RAD54B: variants seen among roughly 807,000 people sequenced by gnomAD.
RAD54B encodes DNA repair and recombination protein RAD54B.
Under a neutral mutation model 95.8 loss-of-function variants are expected in RAD54B, and 78 were observed. The ratio of observed to expected loss-of-function variants is 0.81; its 90% CI spans 0.68 to 0.98. The LOEUF (loss-of-function observed/expected upper bound fraction) is 0.98. RAD54B is among the 50% of genes least tolerant of loss of function. The pLI is 0.00. For missense variants in RAD54B, 957 were observed against 1,056.6 expected, an observed-to-expected ratio of 0.91 and a Z score of 1.31; for synonymous variants, 328 against 354.9, an observed-to-expected ratio of 0.92 and a Z score of 0.85.
rs754347616 is a variant in RAD54B at position 94,372,316 on chromosome 8, G to A, written c.2587C>T (p.Leu863=). 6.2e-7 allele frequency: 1 copy of A among 1,613,844 alleles called. No individual in the cohort carries two copies. Among genetic ancestry groups the A allele is most frequent in the Admixed American group, 1.7e-5 (1 of 60,010 alleles). Residue 863 remains leucine (L), a synonymous_variant, in exon 15 of 15, where the codon CTG becomes TTG. Transcript: ENST00000336148. ...LGPHHQKSNS[L]KPLSMSQLKQ... is the part of the protein sequence containing the mutation. Reference sequence around the variant, plus strand: ...AGCTGGGACATAGAAAGAGGTTTCAGGGAGTTAGATTTCTGGTGATGTGGA... The same window carrying A: ...AGCTGGGACATAGAAAGAGGTTTCAAGGAGTTAGATTTCTGGTGATGTGGA...
intron 3 of RAD54B, among the ~76,000 whole-genome samples, chr8:94,421,889 CCA>C (rs1340361912): frequency 6.6e-6 from 1 of 152,184 alleles, no homozygotes; most frequent in Admixed American, 6.5e-5. Context: ...AAACCGTTTT[CCA>C]CATTTATTAT....
chr8:94,419,056 G>T (rs940745848), intron 3 of RAD54B, among the ~76,000 whole-genome samples: 1 of 143,328 alleles, frequency 7.0e-6, no homozygotes, highest in African/African-American at 2.5e-5. Flanking sequence ...GAGAAAAAAA[G>T]AAAAGATTCT....
At chr8:94,398,631 G>A (rs936545834) in intron 8 of RAD54B, among the ~76,000 whole-genome samples, 1 of 152,040 alleles carries the variant, frequency 6.6e-6, no homozygotes, top group African/African-American at 2.4e-5. Context: ...GAAGCCCCAA[G>A]TAGAAAATAG....
At chr8:94,448,118 G>A (rs970924642) in intron 3 of RAD54B, among the ~76,000 whole-genome samples, 5 of 152,066 alleles carry the variant, frequency 3.3e-5, no homozygotes, top group African/African-American at 7.3e-5. Flanking sequence ...GTTTTTAAAT[G>A]AGGATTCAAA....
intron 8 of RAD54B, among the ~76,000 whole-genome samples, chr8:94,396,430 T>A (rs1481025221): frequency 2.6e-5 from 4 of 151,948 alleles, no homozygotes; most frequent in African/African-American, 7.2e-5. Flanking sequence ...TTTGTTTTTT[T>A]AAAAAAGAAA....
intron 3 of RAD54B, chr8:94,431,652 C>T (rs938866069): frequency 3.9e-5 from 38 of 962,156 alleles, no homozygotes; most frequent in Non-Finnish European, 4.5e-5. Context: ...AAATATCTTC[C>T]ATCTCTAAAA....
chr8:94,434,374 A>T (rs1467450382), intron 3 of RAD54B, among the ~76,000 whole-genome samples: 1 of 151,898 alleles, frequency 6.6e-6, no homozygotes, highest in African/African-American at 2.4e-5. Context: ...AGCAGGTCAC[A>T]AAAATGACAG....
At chr8:94,472,053 A>G (rs966207552) in intron 1 of RAD54B, among the ~76,000 whole-genome samples, 6 of 152,162 alleles carry the variant, frequency 3.9e-5, no homozygotes, top group African/African-American at 1.4e-4. Context: ...AATATTTTAT[A>G]TATAACCAGC....
intron 3 of RAD54B, among the ~76,000 whole-genome samples, chr8:94,415,164 C>G (rs1395071903): frequency 6.6e-6 from 1 of 151,994 alleles, no homozygotes; most frequent in African/African-American, 2.4e-5. Flanking sequence ...GGTACCAAAA[C>G]AGAGATATAG....
chr8:94,423,105 C>T (rs1811863016), intron 3 of RAD54B, among the ~76,000 whole-genome samples: 2 of 152,098 alleles, frequency 1.3e-5, no homozygotes, highest in South Asian at 4.2e-4. Flanking sequence ...TGTTACCGGC[C>T]GGGCACGGTG....
chr8:94,421,505 C>T (rs1811806282), intron 3 of RAD54B, among the ~76,000 whole-genome samples: 1 of 152,162 alleles, frequency 6.6e-6, no homozygotes, highest in Non-Finnish European at 1.5e-5. Context: ...TTTTCTCTAG[C>T]CCAGATTACA....
chr8:94,399,300 T>G, intron 8 of RAD54B, 114 bp downstream of exon 8: 2 of 766,138 alleles, frequency 2.6e-6, no homozygotes, highest in South Asian at 3.6e-5. Context: ...ACAGGTTTAT[T>G]AGTATAAATT....
intron 3 of RAD54B, among the ~76,000 whole-genome samples, chr8:94,422,752 TTATATATA>T (rs369490267): frequency 4.8e-5 from 6 of 125,428 alleles, no homozygotes; most frequent in East Asian, 2.3e-4. Context: ...CCACAAAAAA[TTATATATA>T]TATATATATA....
At chr8:94,395,391 G>A (rs906017830) in intron 8 of RAD54B, among the ~76,000 whole-genome samples, 2 of 152,136 alleles carry the variant, frequency 1.3e-5, no homozygotes, top group African/African-American at 4.8e-5. Flanking sequence ...GAGCTCTAGA[G>A]CATAAACTGC....
intron 3 of RAD54B, among the ~76,000 whole-genome samples, chr8:94,440,827 G>T (rs1387654713): frequency 6.6e-6 from 1 of 152,048 alleles, no homozygotes; most frequent in East Asian, 1.9e-4. Context: ...AAACCCCATG[G>T]CCCCACCTGA....
chr8:94,458,116 AT>A lies in RAD54B; in HGVS notation c.304+151del, dbSNP rs1220056590. 9.3e-6 allele frequency: 6 copies of A among 641,990 alleles called. No homozygotes were observed. In the East Asian group the frequency reaches 2.0e-4, roughly 21 times the overall value. The allele number at this position is 641,990 out of a possible 1,614,324, so 39.8% of individuals were successfully genotyped here. A position where few individuals can be genotyped will look rare whatever the true frequency, so the allele number is the denominator to read the frequency against. Reference sequence around the variant, plus strand: ...TTATTAATCCAATCACTAAAGATAAATTATGACAACAAAAAACCTGAACTAC... The same window carrying A: ...TTATTAATCCAATCACTAAAGATAAATATGACAACAAAAAACCTGAACTAC... On this transcript the variant is annotated intron_variant, in intron 3 of 14. Coordinates refer to ENST00000336148, the MANE Select transcript of RAD54B (RefSeq NM_012415.3).
At chr8:94,389,858 T>C (rs1810973782) in intron 10 of RAD54B, among the ~76,000 whole-genome samples, 1 of 152,206 alleles carries the variant, frequency 6.6e-6, no homozygotes, top group South Asian at 2.1e-4. Flanking sequence ...AGTGACTGCA[T>C]GGCAACAATG....
rs919997045 is a variant in RAD54B at position 94,399,332 on chromosome 8, T to G, written c.1378+82A>C. 1.2e-5 allele frequency: 13 copies of G among 1,077,062 alleles called. No individual in the cohort carries two copies. In the African/African-American group the frequency reaches 2.1e-4, roughly 17 times the overall value. The allele number at this position is 1,077,062 out of a possible 1,614,324, so 66.7% of individuals were successfully genotyped here. On this transcript the variant is annotated intron_variant, in intron 8 of 14. Coordinates refer to ENST00000336148, the MANE Select transcript of RAD54B (RefSeq NM_012415.3). Reference sequence around the variant, plus strand: ...AATTCCATCCAACACCACCAGTTATTTGAATGTTAAGCATCATAGTACAAG... The same window carrying G: ...AATTCCATCCAACACCACCAGTTATGTGAATGTTAAGCATCATAGTACAAG...
intron 3 of RAD54B, chr8:94,429,766 G>C (rs1812039988): frequency 1.0e-6 from 1 of 984,956 alleles, no homozygotes; most frequent in African/African-American, 1.7e-5. Flanking sequence ...AATTAAAGAA[G>C]TTAACTCTAC....
Sources: allele counts gnomAD v4.1 joint callset (sites outside exome capture counted in the v4.1 genomes callset), GRCh38; gene constraint gnomAD v4.1.1; transcripts MANE v1.5; gene names NCBI Gene and HGNC (gene_info 2026-07-23, HGNC 2026-07-21).